The following PGAP4 variants were observed in gnomAD, a reference collection of about 807,000 sequenced individuals.
PGAP4 encodes GPI-N-acetylgalactosamine transferase PGAP4.
In PGAP4, 12 loss-of-function variants were observed where a neutral mutation model predicts 28.2. The observed-to-expected ratio is 0.42, with a 90% CI of 0.27 to 0.69. The LOEUF (loss-of-function observed/expected upper bound fraction) is 0.69, where lower values mean the gene tolerates loss of function less well. Ranked by LOEUF, PGAP4 falls within the 30% of genes least tolerant of loss-of-function variation. The probability of loss-of-function intolerance (pLI) is 0.22; values close to 1 mark genes in which losing one functional copy is unlikely to be tolerated. For missense variants in PGAP4, 425 were observed against 513.5 expected, an observed-to-expected ratio of 0.83 and a Z score of 1.67; for synonymous variants, 205 against 211.8, an observed-to-expected ratio of 0.97 and a Z score of 0.28.
At chr9:101,523,998 T>C (rs1827011303) in intron 2 of PGAP4, among the ~76,000 whole-genome samples, 1 of 151,912 alleles carries the variant, frequency 6.6e-6, no homozygotes, top group South Asian at 2.1e-4. Context: ...CAGTGATTGT[T>C]ATCTCTCTTC....
upstream of PGAP4, among the ~76,000 whole-genome samples, chr9:101,487,590 T>A (rs1347682274): frequency 6.6e-6 from 1 of 152,142 alleles, no homozygotes; most frequent in Non-Finnish European, 1.5e-5. Flanking sequence ...AAAAGAAAAG[T>A]AACAGCCTCC....
rs1375320776 is a variant in PGAP4 at position 101,475,868 on chromosome 9, A to G, written c.*13T>C. The stretch of plus-strand genomic sequence containing the variant: ...AAGAAGTGGCCAACTTCAGAAAGGC[A>G]TCTCTTGGCACCCTAGAGGAGACTG... On this transcript the variant is annotated 3_prime_UTR_variant, in exon 2 of 2. Transcript: ENST00000374848. The G allele has an allele frequency of 2.0e-5, 32 of 1,601,216 alleles. No individual in the cohort carries two copies. Among genetic ancestry groups the G allele is most frequent in the Non-Finnish European group, 2.6e-5 (30 of 1,174,542 alleles).
In PGAP4 at chr9:101,486,371, C is replaced by G. The variant is rs1241387620; in HGVS notation, c.-78+578G>C. 6.6e-6 allele frequency among the ~76,000 whole-genome samples: 1 copy of G among 152,180 alleles called. No homozygotes were observed. The highest frequency in any genetic ancestry group is 1.5e-5 in the Non-Finnish European group (1 of 68,026). ...GTTTTTCCTGGTCCTGGGAGGGACG[C>G]CTTCCTCTGCCCAGTCGCCCTCCCC... On this transcript the variant is annotated intron_variant, in intron 1 of 1. Transcript: ENST00000374848. The surrounding 1 kb of genome is among the most constrained non-coding windows in gnomAD (Gnocchi z 4.7).
intron 1 of PGAP4, chr9:101,531,598 G>C (rs1394940390): frequency 6.6e-6 from 1 of 152,200 alleles, no homozygotes; most frequent in Non-Finnish European, 1.5e-5. Flanking sequence ...AGTATTCAAA[G>C]AAATTCACCC....
At chr9:101,499,978 T>C (rs1330698240) in intron 2 of PGAP4, among the ~76,000 whole-genome samples, 2 of 151,846 alleles carry the variant, frequency 1.3e-5, no homozygotes, top group African/African-American at 4.8e-5. Flanking sequence ...TAATATAATA[T>C]ATTATCTAAT....
intron 1 of PGAP4, among the ~76,000 whole-genome samples, chr9:101,478,689 C>T (rs1026883687): frequency 1.3e-5 from 2 of 152,160 alleles, no homozygotes; most frequent in Non-Finnish European, 2.9e-5. Context: ...GAATGGAGAG[C>T]CCTGGTGGAT....
At chr9:101,524,746 C>T (rs144898167) in intron 2 of PGAP4, among the ~76,000 whole-genome samples, 61 of 152,328 alleles carry the variant, frequency 4.0e-4, no homozygotes, top group African/African-American at 1.4e-3. Context: ...TCAGCTTCTT[C>T]AGTGAGGGTA....
rs1826265295 is a variant in PGAP4, at chr9:101,475,274, A to C, written c.*607T>G. The C allele has an allele frequency of 6.4e-6, 1 of 157,240 alleles. No individual in the cohort carries two copies. The highest frequency in any genetic ancestry group is 1.4e-5 in the Non-Finnish European group (1 of 70,810). The allele number at this position is 157,240 out of a possible 1,614,324, so 9.7% of individuals were successfully genotyped here. A position where few individuals can be genotyped will look rare whatever the true frequency, so the allele number is the denominator to read the frequency against. On this transcript the variant is annotated 3_prime_UTR_variant, in exon 2 of 2. Coordinates refer to ENST00000374848, the MANE Select transcript of PGAP4 (RefSeq NM_032342.3). ...ACAATATCAATTATCAGTGCACTAC[A>C]GATATATAGGAAAAGAAAATCCCAG...
chr9:101,514,082 C>A (rs754897032), intron 2 of PGAP4, among the ~76,000 whole-genome samples: 3 of 151,962 alleles, frequency 2.0e-5, no homozygotes, highest in Non-Finnish European at 4.4e-5. Context: ...TGAATCTTCC[C>A]CACTCAGTCC....
At chr9:101,511,413 T>C (rs1303007959) in intron 2 of PGAP4, among the ~76,000 whole-genome samples, 2 of 152,186 alleles carry the variant, frequency 1.3e-5, no homozygotes, top group Non-Finnish European at 2.9e-5. Context: ...GCACATTTCC[T>C]GCTACCTGAC....
At chr9:101,483,156 C>A (rs979474456) in intron 1 of PGAP4, among the ~76,000 whole-genome samples, 1 of 152,166 alleles carries the variant, frequency 6.6e-6, no homozygotes, top group Non-Finnish European at 1.5e-5. Context: ...TCTTTGGTAT[C>A]CCTCACAGAC....
chr9:101,530,265 G>C (rs552759550), intron 2 of PGAP4, among the ~76,000 whole-genome samples: 1 of 152,302 alleles, frequency 6.6e-6, no homozygotes, highest in African/African-American at 2.4e-5. Flanking sequence ...TTTAGAAAGG[G>C]AACTGGGTAA....
intron 2 of PGAP4, among the ~76,000 whole-genome samples, chr9:101,529,011 A>G (rs1001568123): frequency 1.3e-5 from 2 of 151,302 alleles, no homozygotes; most frequent in Non-Finnish European, 2.9e-5. Flanking sequence ...TGTTCTCATC[A>G]CTTAGCTCCT....
At chr9:101,489,516 A>G (rs1826667349), upstream of PGAP4, among the ~76,000 whole-genome samples, 1 of 152,246 alleles carries the variant, frequency 6.6e-6, no homozygotes, top group Admixed American at 6.5e-5. Context: ...GATTAAAACA[A>G]CAAAAGAATA....
intron 1 of PGAP4, chr9:101,481,373 GC>G (rs1004526344): frequency 2.0e-4 from 31 of 152,430 alleles, no homozygotes; most frequent in African/African-American, 7.5e-4. Flanking sequence ...AATTCCAGTT[GC>G]CCATGATGTC....
chr9:101,493,927 G>T (rs1339656308), intron 2 of PGAP4, among the ~76,000 whole-genome samples: 1 of 152,012 alleles, frequency 6.6e-6, no homozygotes, highest in Non-Finnish European at 1.5e-5. Context: ...TATATAACAA[G>T]ATCTTGAAAA....
In PGAP4 at chr9:101,527,333, T is replaced by C. The variant is rs116975833; in HGVS notation, c.-165+4015A>G. 1.9e-4 allele frequency among the ~76,000 whole-genome samples: 29 copies of C among 152,354 alleles called. 1 individual carries two copies. The East Asian group carries it at 4.2e-3, about 22-fold the overall frequency. Reference sequence around the variant, plus strand: ...CCGAACATTTGTGGATTCCTGGCCGTATACTACTGCTGTAAGACCTCCTTT... The same window carrying C: ...CCGAACATTTGTGGATTCCTGGCCGCATACTACTGCTGTAAGACCTCCTTT... On this transcript the variant is annotated intron_variant, in intron 2 of 3. Coordinates refer to the PGAP4 transcript ENST00000374851.
In PGAP4 at chr9:101,475,958, C is replaced by T. The variant is rs1220654416; in HGVS notation, c.1135G>A (p.Val379Ile). 1.9e-6 allele frequency: 3 copies of T among 1,614,252 alleles called. No homozygotes were observed. Among genetic ancestry groups the T allele is most frequent in the Middle Eastern group, 1.6e-4 (1 of 6,062 alleles). ...LLRAKGERAY[V>I]VEPNLVKHIG... is the part of the protein sequence containing the mutation. ...TGTTTCACGAGGTTCGGCTCCACTA[C>T]ATAGGCCCTCTCTCCCTTGGCCCTC... is the stretch of plus-strand genomic sequence containing the variant. The change falls in exon 2 of 2, where the codon GTA becomes ATA. Residue 379 changes from valine to isoleucine, a missense_variant. By Grantham distance (29) the Val-to-Ile change is conservative. Coordinates refer to ENST00000374848, the MANE Select transcript of PGAP4 (RefSeq NM_032342.3).
exon 1 of PGAP4, chr9:101,533,282 G>C (rs559722233): frequency 6.6e-6 from 1 of 152,204 alleles, no homozygotes; most frequent in African/African-American, 2.4e-5. Flanking sequence ...AGGAGATGAG[G>C]GGAACGCTTT....
Sources: gnomAD v4.1 joint callset for allele counts (sites outside exome capture counted in the v4.1 genomes callset) on GRCh38, gnomAD v4.1.1 for gene constraint, Gnocchi (gnomAD v3.1) non-coding constraint, MANE v1.5 for transcripts, NCBI Gene and HGNC (gene_info 2026-07-23, HGNC 2026-07-21) for gene names.